Variants in SLC17A8 observed in about 807,000 individuals in gnomAD.
SLC17A8 encodes solute carrier family 17 member 8.
SLC17A8 carries 31 observed loss-of-function variants against 58.0 expected under a neutral mutation model. That is an observed-to-expected ratio of 0.53 (90% CI 0.40 to 0.72). SLC17A8 has a LOEUF of 0.72. Among genes scored for constraint, SLC17A8 ranks in the 30% least tolerant of loss-of-function variants. The pLI, the probability that SLC17A8 is intolerant of heterozygous loss-of-function variation, is 0.00. For missense variants in SLC17A8, 655 were observed against 727.8 expected, an observed-to-expected ratio of 0.90 and a Z score of 1.15; for synonymous variants, 228 against 249.0, an observed-to-expected ratio of 0.92 and a Z score of 0.79.
rs146541836 is a variant in SLC17A8 at position 100,384,310 on chromosome 12, A to T, written c.354+3357A>T. 7.5e-3 allele frequency among the ~76,000 whole-genome samples: 1,142 copies of T among 152,082 alleles called. 15 individuals carry two copies. The highest frequency in any genetic ancestry group is 0.026 in the African/African-American group (1,080 of 41,510). On this transcript the variant is annotated intron_variant, in intron 2 of 11. Coordinates refer to ENST00000323346, the MANE Select transcript of SLC17A8 (RefSeq NM_139319.3). ...TGAAACTGGCTCGAGTTAAAAGGGG[A>T]TTATTGGGGCCCGGCATGGTGGCTC...
chr12:100,368,996 G>C (rs942955164), intron 1 of SLC17A8, among the ~76,000 whole-genome samples: 3 of 152,196 alleles, frequency 2.0e-5, no homozygotes, highest in African/African-American at 7.2e-5. Context: ...AATTGGGCTG[G>C]GGGCAATGGC....
At chr12:100,418,233 C>T in intron 11 of SLC17A8, 77 bp downstream of exon 11, 1 of 1,572,138 alleles carries the variant, frequency 6.4e-7, no homozygotes, top group Non-Finnish European at 8.7e-7. Context: ...TTTCAAGGCT[C>T]TACTGCAGTC....
chr12:100,376,033 G>A (rs987506296), intron 1 of SLC17A8, among the ~76,000 whole-genome samples: 3 of 152,120 alleles, frequency 2.0e-5, no homozygotes, highest in African/African-American at 7.2e-5. Flanking sequence ...TATGACTGAT[G>A]TCCTTATATG....
chr12:100,403,647 A>G (rs2136006862), intron 8 of SLC17A8, among the ~76,000 whole-genome samples: 1 of 152,312 alleles, frequency 6.6e-6, no homozygotes, highest in Middle Eastern at 3.4e-3. Flanking sequence ...CAGCCGAGCA[A>G]ACACAAATGT....
At position 100,421,658 on chromosome 12, in the gene SLC17A8, G is replaced by GTTTTTTTTTTTTTTTTTTTTTTTTTTTT. The variant is rs59689031; in HGVS notation, c.*1521_*1522insTTTTTTTTTTTTTTTTTTTTTTTTTTTT. The GTTTTTTTTTTTTTTTTTTTTTTTTTTTT allele has an allele frequency of 9.1e-6, 1 of 109,872 alleles. No homozygotes were observed. 6.8% of individuals were successfully genotyped at this position (109,872 alleles called of 1,614,324 possible). A position where few individuals can be genotyped will look rare whatever the true frequency, so the allele number is the denominator to read the frequency against. ...TACTTGTAGCTTATTATTGTAAAGT[G>GTTTTTTTTTTTTTTTTTTTTTTTTTTTT]TTTTTTTTTTTTTTTTTTTTTTCTA... On this transcript the variant is annotated 3_prime_UTR_variant, in exon 12 of 12. Transcript: ENST00000323346.
intron 1 of SLC17A8, among the ~76,000 whole-genome samples, chr12:100,380,226 T>TAA (rs1952625337): frequency 1.6e-5 from 2 of 123,782 alleles, no homozygotes; most frequent in South Asian, 5.4e-4. Context: ...AAAAAAGACT[T>TAA]AGAAAGGTTA....
At chr12:100,383,192 T>C (rs1393982052) in intron 2 of SLC17A8, among the ~76,000 whole-genome samples, 1 of 152,256 alleles carries the variant, frequency 6.6e-6, no homozygotes, top group Non-Finnish European at 1.5e-5. Context: ...CATTTGTTTG[T>C]TGCCTGAAAA....
chr12:100,381,053 C>A, intron 2 of SLC17A8, 100 bp downstream of exon 2: 3 of 1,378,996 alleles, frequency 2.2e-6, no homozygotes, highest in Non-Finnish European at 3.1e-6. Context: ...CTTACTGCAG[C>A]CCCAACCTGC....
chr12:100,392,821 T>C (rs1383467125), intron 3 of SLC17A8, among the ~76,000 whole-genome samples: 1 of 152,196 alleles, frequency 6.6e-6, no homozygotes, highest in Non-Finnish European at 1.5e-5. Flanking sequence ...GCTTCTTGGA[T>C]AGTCAGTGTT....
chr12:100,398,037 A>T (rs1952765074), intron 5 of SLC17A8, among the ~76,000 whole-genome samples: 1 of 152,138 alleles, frequency 6.6e-6, no homozygotes, highest in East Asian at 1.9e-4. Flanking sequence ...AAACTAGCAC[A>T]CTTTTCCTAA....
chr12:100,369,135 G>C (rs528161644), intron 1 of SLC17A8, among the ~76,000 whole-genome samples: 1 of 152,044 alleles, frequency 6.6e-6, no homozygotes, highest in Non-Finnish European at 1.5e-5. Flanking sequence ...AATTAGCCAG[G>C]CATGGTGGTA....
intron 1 of SLC17A8, among the ~76,000 whole-genome samples, chr12:100,364,069 A>AAAG (rs1952502715): frequency 6.7e-6 from 1 of 149,412 alleles, no homozygotes; most frequent in Non-Finnish European, 1.5e-5. Context: ...AAAAAAAAAA[A>AAAG]GCTTCTTTAG....
intron 2 of SLC17A8, among the ~76,000 whole-genome samples, chr12:100,390,035 G>T (rs1169514721): frequency 3.3e-5 from 5 of 151,910 alleles, no homozygotes; most frequent in Non-Finnish European, 7.4e-5. Flanking sequence ...TGGCTAGGCT[G>T]GTCTCAAACT....
At chr12:100,410,491 T>A (rs1429766399) in intron 9 of SLC17A8, 3 of 106,258 alleles carry the variant, frequency 2.8e-5, no homozygotes, top group African/African-American at 9.5e-5. Context: ...CAGGACTCCA[T>A]CTCAAAAAAA....
intron 5 of SLC17A8, among the ~76,000 whole-genome samples, chr12:100,399,680 G>T (rs1160951715): frequency 6.6e-6 from 1 of 152,002 alleles, no homozygotes. Flanking sequence ...CAGCACGGGG[G>T]AAATCCGCCC....
At chr12:100,393,259 G>A (rs1261427025) in intron 3 of SLC17A8, 110 bp from the exon 4 acceptor site, 1 of 753,092 alleles carries the variant, frequency 1.3e-6, no homozygotes, top group South Asian at 1.4e-5. Context: ...CTTTCCACAG[G>A]GATTTCCACA....
chr12:100,376,809 CTTTT>C (rs1353248629), intron 1 of SLC17A8, among the ~76,000 whole-genome samples: 1 of 151,952 alleles, frequency 6.6e-6, no homozygotes, highest in Non-Finnish European at 1.5e-5. Context: ...AGTTTTCTTT[CTTTT>C]CTTTTCTTTT....
chr12:100,406,173 A>G (rs933782182), intron 9 of SLC17A8, among the ~76,000 whole-genome samples: 2 of 151,972 alleles, frequency 1.3e-5, no homozygotes, highest in African/African-American at 4.8e-5. Context: ...AGTCCTCTCT[A>G]TACATCCAGC....
Position 100,420,046 on chromosome 12 carries a change from C to G in SLC17A8, c.1657C>G (p.Gln553Glu). Residue 553 changes from glutamine (Q) to glutamate (E), a missense_variant, in exon 12 of 12, where the codon CAG (glutamine) becomes GAG (glutamate). Transcript: ENST00000323346. ...GAAGATGTCTTATGGAGCCACCTCC[C>G]AGAATTGTGAAGTCCAGAAGAAGGA... ...KKKMSYGATSQNCEVQKKEWK... is the reference protein window; with the variant it reads ...KKKMSYGATSENCEVQKKEWK... 1 of 1,614,072 alleles carries G rather than the reference C, an allele frequency of 6.2e-7. No homozygotes were observed. Among genetic ancestry groups the G allele is most frequent in the Non-Finnish European group, 8.5e-7 (1 of 1,179,996 alleles).
Sources: allele counts gnomAD v4.1 joint callset (sites outside exome capture counted in the v4.1 genomes callset), GRCh38; gene constraint gnomAD v4.1.1; transcripts MANE v1.5; gene names NCBI Gene and HGNC (gene_info 2026-07-23, HGNC 2026-07-21).